ENTPD1: variants seen among roughly 807,000 people sequenced by gnomAD.
The protein encoded by ENTPD1 is ATP diphosphohydrolase.
Under a neutral mutation model 57.0 loss-of-function variants are expected in ENTPD1, and 33 were observed. The ratio of observed to expected loss-of-function variants is 0.58; its 90% CI spans 0.44 to 0.77. The LOEUF (loss-of-function observed/expected upper bound fraction) is 0.77, where lower values mean the gene tolerates loss of function less well. Among genes scored for constraint, ENTPD1 ranks in the 30% least tolerant of loss-of-function variants. The pLI is 0.00. For missense variants in ENTPD1, 501 were observed against 603.4 expected (o/e 0.83, Z 1.78); for synonymous variants, 202 against 218.8 (o/e 0.92, Z 0.68).
intron 1 of ENTPD1, 82 bp from the exon 2 acceptor site, chr10:95,823,155 T>C (rs1045421791): frequency 2.5e-6 from 4 of 1,574,826 alleles, no homozygotes; most frequent in East Asian, 4.5e-5. Context: ...CAGGTAGCCA[T>C]TACAAGACCA....
At chr10:95,755,845 C>T (rs1046069056), upstream of ENTPD1, 3 of 1,513,906 alleles carry the variant, frequency 2.0e-6, no homozygotes, top group South Asian at 3.6e-5. Context: ...ATGACTTTTT[C>T]AAGGGAGAAA....
At chr10:95,707,515 G>T (rs2097963025), upstream of ENTPD1, among the ~76,000 whole-genome samples, 2 of 152,220 alleles carry the variant, frequency 1.3e-5, no homozygotes, top group African/African-American at 4.8e-5. Flanking sequence ...GACTGGGTAG[G>T]AATACAATGG....
upstream of ENTPD1, among the ~76,000 whole-genome samples, chr10:95,752,453 G>A (rs568840747): frequency 3.1e-4 from 47 of 152,208 alleles, 1 homozygote; most frequent in Admixed American, 2.4e-3. Context: ...TCAGGAGTTC[G>A]AGACCAGCCG....
intron 1 of ENTPD1, among the ~76,000 whole-genome samples, chr10:95,774,836 A>G (rs543822149): frequency 6.6e-6 from 1 of 152,278 alleles, no homozygotes; most frequent in African/African-American, 2.4e-5. Context: ...TTCCATAGGA[A>G]CTTTAAAGTA....
intron 1 of ENTPD1, among the ~76,000 whole-genome samples, chr10:95,821,860 C>CT (rs1220355503): frequency 6.6e-6 from 1 of 152,054 alleles, no homozygotes; most frequent in Non-Finnish European, 1.5e-5. Context: ...CAGCCAGCTT[C>CT]TACGTTTGGG....
intron 1 of ENTPD1, among the ~76,000 whole-genome samples, chr10:95,802,524 G>C (rs2140347304): frequency 6.6e-6 from 1 of 151,980 alleles, no homozygotes; most frequent in South Asian, 2.1e-4. Context: ...TTGATACATA[G>C]GTATACATGT....
chr10:95,825,293 A>G (rs1291570751), intron 2 of ENTPD1, among the ~76,000 whole-genome samples: 1 of 152,226 alleles, frequency 6.6e-6, no homozygotes, highest in Non-Finnish European at 1.5e-5. Flanking sequence ...CTTGAATGAT[A>G]ACTCTGAAGT....
At chr10:95,732,698 G>A (rs2097990535) in intron 1 of ENTPD1, among the ~76,000 whole-genome samples, 1 of 152,114 alleles carries the variant, frequency 6.6e-6, no homozygotes, top group South Asian at 2.1e-4. Context: ...GAAATAAAGG[G>A]AAAGAGTACA....
In ENTPD1 at chr10:95,860,529, C is replaced by G. The variant is rs2098463597; in HGVS notation, c.1135C>G (p.Gln379Glu). The change falls in exon 8 of 10, where the codon CAG becomes GAG. Residue 379 changes from glutamine to glutamate, a missense_variant. Coordinates refer to ENST00000371205, the MANE Select transcript of ENTPD1 (RefSeq NM_001776.6). ...FLNLTSEKVS[Q>E]EKVTEMMKKF... ...AAACTTGACATCAGAGAAAGTCTCT[C>G]AGGAAAAGGTGACTGAGATGATGAA... The G allele has an allele frequency of 1.2e-6, 2 of 1,613,838 alleles. No homozygotes were observed.
Position 95,864,717 on chromosome 10 carries a change from C to T in ENTPD1, c.1189-7C>T. ...CGAGTATGATCTCCCCCTCACTTCA[C>T]TTCTAGATAAAAACATCTTACGCTG... On this transcript the variant is annotated splice_polypyrimidine_tract_variant and splice_region_variant and intron_variant, in intron 8 of 9. Transcript: ENST00000371205. 6.2e-7 allele frequency: 1 copy of T among 1,614,096 alleles called. No individual in the cohort carries two copies. The highest frequency in any genetic ancestry group is 1.1e-5 in the South Asian group (1 of 91,080).
In ENTPD1 at chr10:95,819,407, G is replaced by A. The variant is rs142403458; in HGVS notation, c.17-3830G>A. Reference sequence around the variant, plus strand: ...TCAAACTCCTGGACTCAAGTGATCCGCCCACCTTTGCCTCCCAAAGTGCTG... The same window carrying A: ...TCAAACTCCTGGACTCAAGTGATCCACCCACCTTTGCCTCCCAAAGTGCTG... On this transcript the variant is annotated intron_variant, in intron 1 of 9. Coordinates refer to ENST00000371205, the MANE Select transcript of ENTPD1 (RefSeq NM_001776.6). Among the ~76,000 whole-genome samples, 57 of 152,054 alleles carry A rather than the reference G, an allele frequency of 3.7e-4. 1 individual carries two copies. The East Asian group carries it at 6.6e-3, about 18-fold the overall frequency.
chr10:95,711,486 CTTTTATTTA>C (rs973462647), upstream of ENTPD1, among the ~76,000 whole-genome samples: 5 of 152,154 alleles, frequency 3.3e-5, no homozygotes. Context: ...TCCCCTATAT[CTTTTATTTA>C]TTTTATTTAT....
At chr10:95,758,879 G>A (rs1023725621) in intron 1 of ENTPD1, among the ~76,000 whole-genome samples, 1 of 152,184 alleles carries the variant, frequency 6.6e-6, no homozygotes, top group Non-Finnish European at 1.5e-5. Flanking sequence ...AAGGTGTCAG[G>A]TTTCAATGAC....
intron 1 of ENTPD1, among the ~76,000 whole-genome samples, chr10:95,759,308 G>A (rs192358130): frequency 6.6e-6 from 1 of 152,312 alleles, no homozygotes; most frequent in Non-Finnish European, 1.5e-5. Context: ...GATTTTCAGA[G>A]CTAATGTAAC....
At chr10:95,852,863 G>A (rs1294597795) in intron 7 of ENTPD1, among the ~76,000 whole-genome samples, 5 of 152,160 alleles carry the variant, frequency 3.3e-5, no homozygotes, top group East Asian at 3.8e-4. Context: ...GTCAGGTAGC[G>A]TGATGCCTTC....
intron 1 of ENTPD1, among the ~76,000 whole-genome samples, chr10:95,717,545 T>C (rs887843655): frequency 2.0e-5 from 3 of 152,162 alleles, no homozygotes; most frequent in Admixed American, 6.5e-5. Context: ...ATTTGTATTC[T>C]AGCGAGCCCT....
the ENTPD1 span, among the ~76,000 whole-genome samples, chr10:95,699,338 G>C: frequency 6.6e-6 from 1 of 152,182 alleles, no homozygotes; most frequent in Non-Finnish European, 1.5e-5. Context: ...GGCCAAGTGT[G>C]GTGGCTCATG....
chr10:95,733,787 C>G (rs2097991745), intron 1 of ENTPD1, among the ~76,000 whole-genome samples: 2 of 152,178 alleles, frequency 1.3e-5, no homozygotes, highest in East Asian at 3.9e-4. Context: ...GTGTGAGTGG[C>G]AGAATTCTTT....
Position 95,791,261 on chromosome 10 carries a change from A to G in ENTPD1, c.17-31976A>G, listed in dbSNP as rs1469343762. On this transcript the variant is annotated intron_variant, in intron 1 of 9. Coordinates refer to ENST00000371205, the MANE Select transcript of ENTPD1 (RefSeq NM_001776.6). The surrounding 1 kb of genome is among the most constrained non-coding windows in gnomAD (Gnocchi z 4.1). ...GTATCTGCTATATTCAGTTCAGAGC[A>G]ATGTATTTTGAGAAGGACATTACAA... 6.6e-6 allele frequency among the ~76,000 whole-genome samples: 1 copy of G among 152,178 alleles called. No individual in the cohort carries two copies. The highest frequency in any genetic ancestry group is 1.9e-4 in the East Asian group (1 of 5,204).
Sources: gnomAD v4.1 joint callset for allele counts (sites outside exome capture counted in the v4.1 genomes callset) on GRCh38, gnomAD v4.1.1 for gene constraint, Gnocchi (gnomAD v3.1) non-coding constraint, MANE v1.5 for transcripts, NCBI Gene and HGNC (gene_info 2026-07-23, HGNC 2026-07-21) for gene names.